The following GALK2 variants were observed in gnomAD, a reference collection of about 807,000 sequenced individuals.
GALK2 encodes galactokinase 2.
GALK2 carries 36 observed loss-of-function variants against 52.4 expected under a neutral mutation model. That is an observed-to-expected ratio of 0.69 (90% confidence interval 0.53 to 0.91). The LOEUF is 0.91. Among genes scored for constraint, GALK2 ranks in the 40% least tolerant of loss-of-function variants. GALK2 has a pLI of 0.00. For missense variants in GALK2, 579 were observed against 559.1 expected, an observed-to-expected ratio of 1.04 and a Z score of -0.36; for synonymous variants, 176 against 199.1, an observed-to-expected ratio of 0.88 and a Z score of 0.98.
At chr15:49,175,739 C>A (rs145301826) in intron 1 of GALK2, among the ~76,000 whole-genome samples, 129 of 152,268 alleles carry the variant, frequency 8.5e-4, no homozygotes, top group Non-Finnish European at 1.5e-3. Flanking sequence ...AAATGAAATC[C>A]ACAAGCAGAC....
At chr15:49,211,416 G>A (rs955524222) in intron 2 of GALK2, among the ~76,000 whole-genome samples, 5 of 151,998 alleles carry the variant, frequency 3.3e-5, no homozygotes, top group Non-Finnish European at 7.4e-5. Context: ...TTCCCTCATC[G>A]TCCTATCTTT....
chr15:49,221,935 G>T (rs1239403750), intron 3 of GALK2, among the ~76,000 whole-genome samples: 2 of 151,844 alleles, frequency 1.3e-5, no homozygotes, highest in Non-Finnish European at 2.9e-5. Flanking sequence ...TTCTATTTTT[G>T]TGAAAATGAC....
intron 1 of GALK2, among the ~76,000 whole-genome samples, chr15:49,195,371 C>T (rs1024750049): frequency 2.0e-5 from 3 of 152,022 alleles, no homozygotes; most frequent in East Asian, 1.9e-4. Context: ...GTGCCCAGCC[C>T]GTTTCTTTAA....
At chr15:49,365,902 T>C (rs2045090294) in intron 3 of GALK2, 1 of 965,922 alleles carries the variant, frequency 1.0e-6, no homozygotes, top group Non-Finnish European at 1.7e-6. Flanking sequence ...AAGAGAGTTG[T>C]ACAGACTCAT....
At chr15:49,211,692 G>A (rs2088903590) in intron 2 of GALK2, among the ~76,000 whole-genome samples, 1 of 152,202 alleles carries the variant, frequency 6.6e-6, no homozygotes, top group Non-Finnish European at 1.5e-5. Flanking sequence ...GAAGACAAAG[G>A]GGAAGGAGGC....
chr15:49,329,802 AG>A lies in GALK2; in HGVS notation c.*1644del. 2 of 887,482 alleles carry A rather than the reference AG, an allele frequency of 2.3e-6. No homozygotes were observed. Among genetic ancestry groups the A allele is most frequent in the Non-Finnish European group, 2.7e-6 (2 of 746,164 alleles). The allele number at this position is 887,482 out of a possible 1,614,324, so 55.0% of individuals were successfully genotyped here. On this transcript the variant is annotated 3_prime_UTR_variant, in exon 10 of 10. Coordinates refer to ENST00000560031, the MANE Select transcript of GALK2 (RefSeq NM_002044.4). ...ATAATTCTTTAAAGATACCTGGATC[AG>A]TGTAAAAAAAAAAAAAAAAAGGCAC...
At chr15:49,300,892 G>T (rs553687900) in intron 8 of GALK2, among the ~76,000 whole-genome samples, 98 of 152,272 alleles carry the variant, frequency 6.4e-4, no homozygotes, top group Non-Finnish European at 1.2e-3. Context: ...GCAAGAGAAC[G>T]GACTAATACA....
downstream of GALK2, among the ~76,000 whole-genome samples, chr15:49,333,426 T>G (rs142283512): frequency 6.6e-6 from 1 of 152,352 alleles, no homozygotes; most frequent in Non-Finnish European, 1.5e-5. Flanking sequence ...TTCTTGTGAG[T>G]TACTCTGAGA....
intron 1 of GALK2, chr15:49,178,475 A>C (rs2085697976): frequency 3.6e-6 from 1 of 275,710 alleles, no homozygotes; most frequent in Admixed American, 3.8e-5. Flanking sequence ...TAGCTGGTTA[A>C]CACCACAGTG....
intron 2 of GALK2, among the ~76,000 whole-genome samples, chr15:49,210,416 A>ATATAT (rs2088737814): frequency 3.4e-5 from 5 of 148,750 alleles, no homozygotes; most frequent in Admixed American, 3.3e-4. Flanking sequence ...TTAGTGGCTG[A>ATATAT]TTTATTTTAT....
chr15:49,329,079 CCA>C lies in GALK2; in HGVS notation c.*925_*926del. 1 of 996,580 alleles carries C rather than the reference CCA, an allele frequency of 1.0e-6. No individual in the cohort carries two copies. Among genetic ancestry groups the C allele is most frequent in the Non-Finnish European group, 1.2e-6 (1 of 836,546 alleles). The allele number at this position is 996,580 out of a possible 1,614,324, so 61.7% of individuals were successfully genotyped here. ...ATCCAAGAGGCACTTCCAAGAAATTCCACACATTCCTTATATCCCTTTTTTGC... is the reference window on the plus strand; with the variant it reads ...ATCCAAGAGGCACTTCCAAGAAATTCCACATTCCTTATATCCCTTTTTTGC... On this transcript the variant is annotated 3_prime_UTR_variant, in exon 10 of 10. Coordinates refer to ENST00000560031, the MANE Select transcript of GALK2 (RefSeq NM_002044.4).
intron 1 of GALK2, chr15:49,156,374 G>A (rs1379330968): frequency 7.3e-6 from 3 of 411,792 alleles, no homozygotes; most frequent in African/African-American, 4.2e-5. Flanking sequence ...AGAGAACCGA[G>A]CGGAAAGGGA....
At chr15:49,347,117 C>T (rs569194827) in intron 3 of GALK2, among the ~76,000 whole-genome samples, 2 of 152,110 alleles carry the variant, frequency 1.3e-5, no homozygotes, top group Admixed American at 6.5e-5. Context: ...TTTAATACAT[C>T]ATTATCAGCA....
chr15:49,257,509 T>A (rs2091863586), intron 5 of GALK2, among the ~76,000 whole-genome samples: 1 of 152,234 alleles, frequency 6.6e-6, no homozygotes, highest in Admixed American at 6.5e-5. Context: ...TATCCCTGAT[T>A]GTATTCTCCT....
chr15:49,170,518 T>G, intron 1 of GALK2, 143 bp downstream of exon 1: 1 of 723,004 alleles, frequency 1.4e-6, no homozygotes, highest in Non-Finnish European at 2.3e-6. Context: ...TAAGGACACG[T>G]GGCTGGGCTT....
chr15:49,228,681 A>ATTTTTTTTTTTTTTTTTTTTTTT (rs1566957908), intron 3 of GALK2, among the ~76,000 whole-genome samples: 1 of 9,658 alleles, frequency 1.0e-4, no homozygotes, highest in Non-Finnish European at 2.2e-4. Flanking sequence ...ATATATATAT[A>ATTTTTTTTTTTTTTTTTTTTTTT]TATATATTTT....
intron 3 of GALK2, among the ~76,000 whole-genome samples, chr15:49,350,007 T>C (rs1005416254): frequency 6.6e-6 from 1 of 152,196 alleles, no homozygotes; most frequent in East Asian, 1.9e-4. Flanking sequence ...TAAGGTAATA[T>C]GTAAACTCTT....
intron 2 of GALK2, among the ~76,000 whole-genome samples, chr15:49,216,262 G>C (rs911629382): frequency 4.6e-5 from 7 of 152,146 alleles, no homozygotes; most frequent in Admixed American, 1.3e-4. Context: ...GGTGAATCCT[G>C]CCAAGACTGG....
chr15:49,182,535 T>A (rs1163722133), intron 1 of GALK2, among the ~76,000 whole-genome samples: 1 of 152,198 alleles, frequency 6.6e-6, no homozygotes, highest in Non-Finnish European at 1.5e-5. Flanking sequence ...CATAAGGTAG[T>A]TCTATTTTTA....
Sources: gnomAD v4.1 joint callset for allele counts (sites outside exome capture counted in the v4.1 genomes callset) on GRCh38, gnomAD v4.1.1 for gene constraint, MANE v1.5 for transcripts, NCBI Gene and HGNC (gene_info 2026-07-23, HGNC 2026-07-21) for gene names.